NRXN1: variants seen among roughly 807,000 people sequenced by gnomAD.
NRXN1 encodes the protein neurexin 1, also known as neurexin-1.
In NRXN1, 39 loss-of-function variants were observed where a neutral mutation model predicts 150.9. That is an observed-to-expected ratio of 0.26 (90% CI 0.20 to 0.34). NRXN1 has a LOEUF of 0.34. Among genes scored for constraint, NRXN1 ranks in the 10% least tolerant of loss-of-function variants. NRXN1 has a pLI of 1.00. For missense variants in NRXN1, 1,815 were observed against 1,949.9 expected, an observed-to-expected ratio of 0.93 and a Z score of 1.30; for synonymous variants, 924 against 757.0, an observed-to-expected ratio of 1.22 and a Z score of -3.62.
At chr2:49,955,168 C>A (rs1395522230) in intron 21 of NRXN1, among the ~76,000 whole-genome samples, 2 of 152,078 alleles carry the variant, frequency 1.3e-5, no homozygotes, top group African/African-American at 2.4e-5. Flanking sequence ...AAGCTCACTA[C>A]ATTTTTGGTT....
chr2:50,343,169 G>T, intron 17 of NRXN1, among the ~76,000 whole-genome samples: 1 of 152,166 alleles, frequency 6.6e-6, no homozygotes, highest in Non-Finnish European at 1.5e-5. Flanking sequence ...TGTGGGAGGA[G>T]AAAGGATGGC....
intron 18 of NRXN1, among the ~76,000 whole-genome samples, chr2:50,195,159 T>C (rs1243979793): frequency 6.6e-6 from 1 of 152,174 alleles, no homozygotes. Flanking sequence ...CCATGAATAA[T>C]TAAAATCATT....
At chr2:50,500,685 C>T (rs997153514) in intron 13 of NRXN1, among the ~76,000 whole-genome samples, 1 of 152,158 alleles carries the variant, frequency 6.6e-6, no homozygotes, top group South Asian at 2.1e-4. Context: ...AACAGATTGA[C>T]AATAATCTCC....
intron 22 of NRXN1, among the ~76,000 whole-genome samples, chr2:49,938,748 T>C (rs1671467548): frequency 6.6e-6 from 1 of 152,190 alleles, no homozygotes; most frequent in South Asian, 2.1e-4. Flanking sequence ...GTTCCCTTTG[T>C]AACAAATGAT....
chr2:50,658,125 A>G (rs573350541), intron 5 of NRXN1, among the ~76,000 whole-genome samples: 1 of 152,152 alleles, frequency 6.6e-6, no homozygotes, highest in Admixed American at 6.5e-5. Flanking sequence ...GTTCAATGTG[A>G]AAGTGCTTGG....
intron 5 of NRXN1, among the ~76,000 whole-genome samples, chr2:50,645,992 G>C (rs977752603): frequency 7.2e-5 from 11 of 151,920 alleles, no homozygotes; most frequent in African/African-American, 2.7e-4. Context: ...TGGCATGCTG[G>C]AAGGGCTTCC....
intron 18 of NRXN1, among the ~76,000 whole-genome samples, chr2:50,230,990 A>G (rs2064886225): frequency 6.6e-6 from 1 of 152,088 alleles, no homozygotes; most frequent in African/African-American, 2.4e-5. Context: ...AAATTGTAGT[A>G]AAATAGGCCA....
chr2:50,181,115 AG>A (rs2152810857), intron 18 of NRXN1, among the ~76,000 whole-genome samples: 1 of 152,264 alleles, frequency 6.6e-6, no homozygotes, highest in East Asian at 1.9e-4. Flanking sequence ...ATAACGTATT[AG>A]AGCTCAGTAG....
chr2:50,792,686 A>G (rs1276952253), intron 5 of NRXN1, among the ~76,000 whole-genome samples: 2 of 151,900 alleles, frequency 1.3e-5, no homozygotes, highest in Admixed American at 6.6e-5. Flanking sequence ...CTTTTTTTTT[A>G]TCACAAGAGA....
At chr2:50,055,771 GA>G (rs1693502014) in intron 19 of NRXN1, among the ~76,000 whole-genome samples, 1 of 152,070 alleles carries the variant, frequency 6.6e-6, no homozygotes, top group Non-Finnish European at 1.5e-5. Flanking sequence ...AATAACATTT[GA>G]AAAAATAATT....
intron 5 of NRXN1, among the ~76,000 whole-genome samples, chr2:50,754,610 A>G (rs1700970067): frequency 6.6e-6 from 1 of 151,832 alleles, no homozygotes; most frequent in African/African-American, 2.4e-5. Context: ...ATCTAAGCAT[A>G]TTGTTTGCTG....
intron 20 of NRXN1, among the ~76,000 whole-genome samples, chr2:50,054,092 A>C (rs973748666): frequency 3.9e-5 from 6 of 152,138 alleles, no homozygotes; most frequent in Non-Finnish European, 5.9e-5. Flanking sequence ...TATTTTTTGA[A>C]GGCAATTATT....
chr2:50,619,961 T>C (rs1287149414), intron 8 of NRXN1, 61 bp downstream of exon 8: 1 of 1,427,680 alleles, frequency 7.0e-7, no homozygotes, highest in East Asian at 2.4e-5. Context: ...GGTGCTTTCA[T>C]GCTGGATCTG....
At chr2:50,207,956 T>C (rs1020704537) in intron 18 of NRXN1, among the ~76,000 whole-genome samples, 3 of 152,036 alleles carry the variant, frequency 2.0e-5, no homozygotes, top group African/African-American at 7.2e-5. Context: ...TTCCCCTTTC[T>C]TCTAGGCCCA....
intron 17 of NRXN1, among the ~76,000 whole-genome samples, chr2:50,410,066 G>A (rs2083035751): frequency 6.6e-6 from 1 of 151,880 alleles, no homozygotes; most frequent in African/African-American, 2.4e-5. Flanking sequence ...TCCCATCAGT[G>A]CCTGATCTGA....
intron 19 of NRXN1, among the ~76,000 whole-genome samples, chr2:50,056,239 CCT>C (rs1693594614): frequency 6.6e-6 from 1 of 151,936 alleles, no homozygotes; most frequent in Non-Finnish European, 1.5e-5. Context: ...ACATTTTATT[CCT>C]CTGATTTACA....
At chr2:50,572,524 T>C (rs1431423125) in intron 8 of NRXN1, among the ~76,000 whole-genome samples, 5 of 152,192 alleles carry the variant, frequency 3.3e-5, no homozygotes, top group Non-Finnish European at 7.3e-5. Context: ...TTATTTCCAA[T>C]ATGTACCAGT....
At chr2:50,651,897 C>T (rs985001255) in intron 5 of NRXN1, among the ~76,000 whole-genome samples, 10 of 152,002 alleles carry the variant, frequency 6.6e-5, no homozygotes, top group African/African-American at 2.4e-5. Context: ...AAAACCACAA[C>T]AATCCTAACA....
chr2:50,636,842 G>T (rs1010149386), intron 5 of NRXN1, among the ~76,000 whole-genome samples: 11 of 152,100 alleles, frequency 7.2e-5, no homozygotes, highest in African/African-American at 2.4e-4. Context: ...TTGATTATTT[G>T]TCCCCAAATT....
Sources: gnomAD v4.1 joint callset for allele counts (sites outside exome capture counted in the v4.1 genomes callset) on GRCh38, gnomAD v4.1.1 for gene constraint, MANE v1.5 for transcripts, NCBI Gene and HGNC (gene_info 2026-07-23, HGNC 2026-07-21) for gene names.